The following SHPRH variants were observed in gnomAD, a reference collection of about 807,000 sequenced individuals.
SHPRH encodes SNF2 histone linker PHD RING helicase, also known as E3 ubiquitin-protein ligase SHPRH.
In SHPRH, 106 loss-of-function variants were observed where a neutral mutation model predicts 202.5. The ratio of observed to expected loss-of-function variants is 0.52; its 90% CI spans 0.45 to 0.62. SHPRH has a LOEUF of 0.62. Ranked by LOEUF, SHPRH falls within the 20% of genes least tolerant of loss-of-function variation. SHPRH has a pLI of 0.00. For synonymous variants in SHPRH, 729 were observed against 686.0 expected (o/e 1.06, Z -0.98); for missense variants, 1,710 against 2,020.0 (o/e 0.85, Z 2.94).
chr6:145,930,725 G>A (rs1245245326), intron 14 of SHPRH, among the ~76,000 whole-genome samples: 15 of 152,078 alleles, frequency 9.9e-5, no homozygotes, highest in Non-Finnish European at 4.4e-5. Context: ...ACACTGATTA[G>A]GTCAACTGGT....
At chr6:145,905,771 G>A (rs913739429) in intron 25 of SHPRH, 1 of 151,946 alleles carries the variant, frequency 6.6e-6, no homozygotes, top group Non-Finnish European at 1.5e-5. Flanking sequence ...GTATTCAGGG[G>A]ATTCACAGAG....
intron 16 of SHPRH, 74 bp downstream of exon 16, chr6:145,926,130 G>A (rs1186740297): frequency 3.2e-6 from 4 of 1,256,216 alleles, no homozygotes; most frequent in South Asian, 2.5e-5. Context: ...GTATGTCCTA[G>A]GATATATCAA....
intron 8 of SHPRH, among the ~76,000 whole-genome samples, 157 bp downstream of exon 8, chr6:145,945,224 C>T (rs1787239744): frequency 6.6e-6 from 1 of 152,062 alleles, no homozygotes; most frequent in Non-Finnish European, 1.5e-5. Flanking sequence ...AGTTTATATC[C>T]ACAAAGTAGA....
At chr6:145,911,142 A>AT (rs923441155) in intron 24 of SHPRH, among the ~76,000 whole-genome samples, 44 of 152,126 alleles carry the variant, frequency 2.9e-4, no homozygotes, top group African/African-American at 1.0e-3. Flanking sequence ...TATTACTATT[A>AT]TTTTTTAGAC....
intron 24 of SHPRH, among the ~76,000 whole-genome samples, chr6:145,912,456 A>G (rs1016880498): frequency 2.6e-5 from 4 of 152,150 alleles, no homozygotes; most frequent in African/African-American, 9.6e-5. Context: ...AATATCTGAG[A>G]CAGTCCAGTT....
intron 8 of SHPRH, 110 bp from the exon 9 acceptor site, chr6:145,943,912 A>C (rs371783027): frequency 9.4e-7 from 1 of 1,060,220 alleles, no homozygotes; most frequent in African/African-American, 1.6e-5. Flanking sequence ...AGTCTTTGCT[A>C]CCCTTTTCCC....
In SHPRH at chr6:145,952,400, T is replaced by G; in HGVS notation, c.712A>C (p.Asn238His). ...SDANSRMKKF[N>H]QLMKKVMEKL... Reference sequence around the variant, plus strand: ...TCCATTACTTTCTTCATGAGCTGATTGAACTTTTTCATTCTTGAATTTGCA... The same window carrying G: ...TCCATTACTTTCTTCATGAGCTGATGGAACTTTTTCATTCTTGAATTTGCA... Residue 238 changes from asparagine (N) to histidine (H), a missense_variant, in exon 3 of 30, where the codon AAT (asparagine) becomes CAT (histidine). By Grantham distance (68) the Asn-to-His change is moderately conservative. Coordinates refer to ENST00000275233, the MANE Select transcript of SHPRH (RefSeq NM_001042683.3). 6.2e-7 allele frequency: 1 copy of G among 1,611,086 alleles called. No homozygotes were observed. Among genetic ancestry groups the G allele is most frequent in the Non-Finnish European group, 8.5e-7 (1 of 1,178,372 alleles).
chr6:145,943,620 T>G lies in SHPRH; in HGVS notation c.1761A>C (p.Gly587=). 1 of 1,613,916 alleles carries G rather than the reference T, an allele frequency of 6.2e-7. No homozygotes were observed. The highest frequency in any genetic ancestry group is 2.2e-5 in the East Asian group (1 of 44,852). Residue 587 remains glycine, a synonymous_variant, in exon 9 of 30, where the codon GGA becomes GGC. Transcript: ENST00000275233. The part of the protein sequence containing the change: ...RKKLVPSTKK[G]KSQPFINPDS... ...CGGGATTGATAAATGGTTGACTTTTTCCTTTTTTTGTGGATGGAACAAGCT... is the reference window on the plus strand; with the variant it reads ...CGGGATTGATAAATGGTTGACTTTTGCCTTTTTTTGTGGATGGAACAAGCT...
At chr6:145,869,111 A>T (rs1037262978) in intron 2 of SHPRH, among the ~76,000 whole-genome samples, 11 of 152,126 alleles carry the variant, frequency 7.2e-5, no homozygotes, top group Non-Finnish European at 1.0e-4. Context: ...TCTTGTTTCA[A>T]TCTGCATTTC....
At chr6:145,894,073 T>C (rs750931900) in intron 27 of SHPRH, 77 bp downstream of exon 27, 1 of 1,021,874 alleles carries the variant, frequency 9.8e-7, no homozygotes, top group Non-Finnish European at 1.4e-6. Context: ...AGACAATAAA[T>C]GTAAGTAAGC....
chr6:145,924,678 C>A (rs1784710464), intron 17 of SHPRH, 61 bp downstream of exon 17: 3 of 1,506,014 alleles, frequency 2.0e-6, no homozygotes, highest in Non-Finnish European at 1.8e-6. Context: ...CACCAAAAAA[C>A]CAAAACTCAA....
intron 11 of SHPRH, among the ~76,000 whole-genome samples, chr6:145,936,501 A>C (rs753420699): frequency 6.2e-4 from 94 of 150,776 alleles, no homozygotes; most frequent in Middle Eastern, 3.4e-3. Flanking sequence ...TAATTTTTTT[A>C]TTTTCTGTAG....
rs970025809 is a variant in SHPRH at position 145,923,716 on chromosome 6, G to C, written c.3472C>G (p.Leu1158Val). The C allele has an allele frequency of 3.7e-6, 6 of 1,611,974 alleles. No homozygotes were observed. Among genetic ancestry groups the C allele is most frequent in the Non-Finnish European group, 4.2e-6 (5 of 1,178,738 alleles). ...RAIEFTIDEELVQRVRNEITS... is the reference protein window; with the variant it reads ...RAIEFTIDEEVVQRVRNEITS... Reference sequence around the variant, plus strand: ...ATTTCATTTCGCACTCGCTGAACTAGCTCCTCATCAATAGTAAATTCTATT... The same window carrying C: ...ATTTCATTTCGCACTCGCTGAACTACCTCCTCATCAATAGTAAATTCTATT... The change falls in exon 18 of 30, where the codon CTA becomes GTA. Residue 1158 changes from leucine to valine, a missense_variant. Physicochemically the swap from Leu to Val is conservative, Grantham distance 32 (BLOSUM62 1). Transcript: ENST00000275233.
At chr6:145,906,401 C>G (rs1203718640) in intron 25 of SHPRH, 1 of 152,078 alleles carries the variant, frequency 6.6e-6, no homozygotes, top group African/African-American at 2.4e-5. Flanking sequence ...CCTGTCCTCT[C>G]TGGAATGACT....
At chr6:145,937,718 T>C (rs560965642) in intron 11 of SHPRH, among the ~76,000 whole-genome samples, 4 of 152,328 alleles carry the variant, frequency 2.6e-5, no homozygotes, top group South Asian at 4.1e-4. Context: ...ATCATCTCCC[T>C]AGCTCTTTAC....
At chr6:145,924,247 GA>G (rs1784676845) in intron 17 of SHPRH, among the ~76,000 whole-genome samples, 1 of 151,448 alleles carries the variant, frequency 6.6e-6, no homozygotes, top group South Asian at 2.1e-4. Context: ...GAATGAATTA[GA>G]AAGACAAAAA....
rs1781877947 is a variant in SHPRH at position 145,894,868 on chromosome 6, G to A, written c.4608+17C>T. 3 of 1,609,358 alleles carry A rather than the reference G, an allele frequency of 1.9e-6. No individual in the cohort carries two copies. The highest frequency in any genetic ancestry group is 1.3e-5 in the African/African-American group (1 of 74,852). Reference sequence around the variant, plus strand: ...ATCAGTTCGAATTAATATTGAGGATGAAAATGTTGATTATACCGTTGAGAA... The same window carrying A: ...ATCAGTTCGAATTAATATTGAGGATAAAAATGTTGATTATACCGTTGAGAA... On this transcript the variant is annotated intron_variant, in intron 26 of 29. Transcript: ENST00000275233.
chr6:145,957,689 T>C (rs1306717625), intron 1 of SHPRH, among the ~76,000 whole-genome samples: 1 of 152,108 alleles, frequency 6.6e-6, no homozygotes, highest in Admixed American at 6.5e-5. Context: ...TAGTCAAAAA[T>C]TTAAAACACT....
At chr6:145,923,520 T>C (rs1784606965) in intron 18 of SHPRH, 123 bp downstream of exon 18, 1 of 1,183,094 alleles carries the variant, frequency 8.5e-7, no homozygotes, top group East Asian at 2.4e-5. Context: ...TATGAATGTG[T>C]CTGTATAGGT....
Sources: allele counts gnomAD v4.1 joint callset (sites outside exome capture counted in the v4.1 genomes callset), GRCh38; gene constraint gnomAD v4.1.1; transcripts MANE v1.5; gene names NCBI Gene and HGNC (gene_info 2026-07-23, HGNC 2026-07-21).